The following TAFA2 variants were observed in gnomAD, a reference collection of about 807,000 sequenced individuals.
The protein encoded by TAFA2 is TAFA chemokine like family member 2, also known as chemokine-like protein TAFA-2.
Under a neutral mutation model 18.8 loss-of-function variants are expected in TAFA2, and 7 were observed. The ratio of observed to expected loss-of-function variants is 0.37; its 90% CI spans 0.21 to 0.70. The LOEUF (loss-of-function observed/expected upper bound fraction) is 0.70. Ranked by LOEUF, TAFA2 falls within the 30% of genes least tolerant of loss-of-function variation. The probability of loss-of-function intolerance (pLI) is 0.53; values close to 1 mark genes in which losing one functional copy is unlikely to be tolerated. For synonymous variants in TAFA2, 60 were observed against 54.2 expected, an observed-to-expected ratio of 1.11 and a Z score of -0.47; for missense variants, 122 against 158.1, an observed-to-expected ratio of 0.77 and a Z score of 1.23.
At chr12:61,869,170 A>G (rs145375858) in intron 1 of TAFA2, among the ~76,000 whole-genome samples, 189 of 152,314 alleles carry the variant, frequency 1.2e-3, no homozygotes, top group African/African-American at 4.2e-3. Context: ...TGACATGTCA[A>G]AGATAACATA....
At chr12:61,776,046 A>C (rs1006451482) in intron 2 of TAFA2, 2 of 395,658 alleles carry the variant, frequency 5.1e-6, no homozygotes, top group Non-Finnish European at 9.7e-6. Context: ...TATTGTAGAC[A>C]TAAGGGAATG....
intron 4 of TAFA2, among the ~76,000 whole-genome samples, chr12:61,746,108 T>C (rs569617255): frequency 8.5e-5 from 13 of 152,170 alleles, no homozygotes; most frequent in African/African-American, 3.1e-4. Context: ...AATCCCCACA[T>C]GTCAAGGGTG....
intron 1 of TAFA2, among the ~76,000 whole-genome samples, chr12:62,243,813 C>T (rs2062873206): frequency 6.6e-6 from 1 of 152,162 alleles, no homozygotes; most frequent in African/African-American, 2.4e-5. Context: ...CAGGGTCTTG[C>T]TCTATCACCC....
intron 1 of TAFA2, chr12:62,070,316 A>C (rs1020246389): frequency 6.6e-6 from 1 of 152,218 alleles, no homozygotes; most frequent in Non-Finnish European, 1.5e-5. Context: ...TGTATGTGAG[A>C]GAGAATATGC....
rs116300756 is a variant in TAFA2 at position 61,750,877 on chromosome 12, T to C, written c.384+2745A>G. On this transcript the variant is annotated intron_variant, in intron 4 of 4. Transcript: ENST00000416284. Reference sequence around the variant, plus strand: ...GCTTTTGGCTGAGACAGCTCTTGAGTTATTTTGTAACCTATTCCTACATAA... The same window carrying C: ...GCTTTTGGCTGAGACAGCTCTTGAGCTATTTTGTAACCTATTCCTACATAA... 1.1e-3 allele frequency among the ~76,000 whole-genome samples: 174 copies of C among 152,170 alleles called. 3 individuals are homozygous for C. Among genetic ancestry groups the C allele is most frequent in the African/African-American group, 4.0e-3 (167 of 41,556 alleles).
At chr12:62,025,074 T>C (rs1438354835) in intron 1 of TAFA2, among the ~76,000 whole-genome samples, 1 of 152,176 alleles carries the variant, frequency 6.6e-6, no homozygotes, top group African/African-American at 2.4e-5. Flanking sequence ...ACACAACTAC[T>C]ATTCAACCCA....
At chr12:62,032,675 TA>T (rs56738953) in intron 1 of TAFA2, among the ~76,000 whole-genome samples, 4 of 151,798 alleles carry the variant, frequency 2.6e-5, no homozygotes, top group South Asian at 4.2e-4. Context: ...ATGCATTAAT[TA>T]AAAAAAATCT....
chr12:61,935,760 A>C (rs997144070), intron 1 of TAFA2, among the ~76,000 whole-genome samples: 1 of 152,170 alleles, frequency 6.6e-6, no homozygotes, highest in African/African-American at 2.4e-5. Flanking sequence ...GGAAATAGAT[A>C]AATTTCTGGA....
chr12:62,147,879 C>T (rs781084534), intron 1 of TAFA2, among the ~76,000 whole-genome samples: 1 of 151,746 alleles, frequency 6.6e-6, no homozygotes, highest in Non-Finnish European at 1.5e-5. Context: ...AAAAAAATAA[C>T]CGCAATAAGA....
At chr12:61,993,135 G>T (rs777152860) in intron 1 of TAFA2, among the ~76,000 whole-genome samples, 1 of 152,114 alleles carries the variant, frequency 6.6e-6, no homozygotes, top group Non-Finnish European at 1.5e-5. Context: ...AACATTCTGC[G>T]CTCATTACTG....
rs183474910 is a variant in TAFA2, at chr12:61,900,551, G to A, written c.-1-33125C>T. 2.3e-4 allele frequency among the ~76,000 whole-genome samples: 35 copies of A among 152,280 alleles called. 1 individual carries two copies. The East Asian group carries it at 6.4e-3, about 28-fold the overall frequency. ...ACATACTGGAGGGGAAAGCAAACACGTCCTTCCTCCAATGGCAGCAGGAAG... is the reference window on the plus strand; with the variant it reads ...ACATACTGGAGGGGAAAGCAAACACATCCTTCCTCCAATGGCAGCAGGAAG... On this transcript the variant is annotated intron_variant, in intron 1 of 4. Transcript: ENST00000416284.
intron 4 of TAFA2, among the ~76,000 whole-genome samples, chr12:61,751,053 T>C (rs1264804680): frequency 6.6e-6 from 1 of 152,082 alleles, no homozygotes; most frequent in Admixed American, 6.6e-5. Flanking sequence ...TTTTCAAAAG[T>C]AGTGCTATTT....
chr12:62,088,674 A>G (rs1011866867), intron 1 of TAFA2, among the ~76,000 whole-genome samples: 2 of 152,026 alleles, frequency 1.3e-5, no homozygotes, highest in South Asian at 4.2e-4. Flanking sequence ...AAAAATGAAG[A>G]AGGCTATATG....
At chr12:61,988,474 A>G (rs1879889944) in intron 1 of TAFA2, among the ~76,000 whole-genome samples, 1 of 152,174 alleles carries the variant, frequency 6.6e-6, no homozygotes, top group South Asian at 2.1e-4. Flanking sequence ...TGGTAATAAA[A>G]TGTTGGAGGA....
chr12:61,728,027 G>C (rs1273731028), intron 4 of TAFA2, among the ~76,000 whole-genome samples: 2 of 128,218 alleles, frequency 1.6e-5, no homozygotes, highest in Non-Finnish European at 3.1e-5. Flanking sequence ...ATACTTTTGA[G>C]GGTTGTTTTT....
intron 1 of TAFA2, among the ~76,000 whole-genome samples, chr12:62,233,066 C>CT (rs34781688): frequency 0.11 from 4,287 of 39,438 alleles, 1,457 homozygotes; most frequent in Admixed American, 0.16. Flanking sequence ...TTCTGCATCT[C>CT]TTTTTTTTTT....
intron 1 of TAFA2, among the ~76,000 whole-genome samples, chr12:61,945,756 G>C (rs1878241247): frequency 7.1e-6 from 1 of 141,390 alleles, no homozygotes; most frequent in Non-Finnish European, 1.5e-5. Context: ...CAAGGGATGT[G>C]AAGGACCTCT....
At chr12:62,090,685 T>G (rs1016963625) in intron 1 of TAFA2, among the ~76,000 whole-genome samples, 2 of 151,360 alleles carry the variant, frequency 1.3e-5, no homozygotes, top group Non-Finnish European at 2.9e-5. Flanking sequence ...ATTCCCTTTT[T>G]GTTCTTGCTG....
intron 4 of TAFA2, among the ~76,000 whole-genome samples, chr12:61,722,951 A>G (rs1024706311): frequency 6.6e-6 from 1 of 152,142 alleles, no homozygotes; most frequent in Admixed American, 6.6e-5. Context: ...TATTTATGAT[A>G]TATAACATCC....
Sources: gnomAD v4.1 joint callset for allele counts (sites outside exome capture counted in the v4.1 genomes callset) on GRCh38, gnomAD v4.1.1 for gene constraint, MANE v1.5 for transcripts, NCBI Gene and HGNC (gene_info 2026-07-23, HGNC 2026-07-21) for gene names.